The following WWOX variants were observed in gnomAD, a reference collection of about 807,000 sequenced individuals.
WWOX encodes the protein WW domain-containing oxidoreductase.
A neutral mutation model predicts 46.2 loss-of-function variants in WWOX; 69 were observed. The ratio of observed to expected loss-of-function variants is 1.49; its 90% confidence interval spans 1.23 to 1.82. WWOX has a LOEUF of 1.82. Ranked by LOEUF, WWOX falls within the 40% of genes most tolerant of loss-of-function variation. WWOX has a pLI of 0.00. For missense variants in WWOX, 919 were observed against 542.6 expected (o/e 1.69, Z -6.89); for synonymous variants, 359 against 202.6 (o/e 1.77, Z -6.56).
intron 8 of WWOX, among the ~76,000 whole-genome samples, chr16:78,876,684 G>C (rs1235059829): frequency 1.3e-5 from 2 of 152,120 alleles, no homozygotes; most frequent in Non-Finnish European, 2.9e-5. Context: ...GCCATTCTCA[G>C]AACAGCCCAG....
At chr16:78,967,286 CTTTTTTTT>C (rs71140849) in intron 8 of WWOX, among the ~76,000 whole-genome samples, 5 of 56,830 alleles carry the variant, frequency 8.8e-5, no homozygotes, top group Non-Finnish European at 1.2e-4. Flanking sequence ...CTGCCGAGGC[CTTTTTTTT>C]TTTTTTTTTT....
intron 8 of WWOX, among the ~76,000 whole-genome samples, chr16:78,769,899 G>C (rs12597882): frequency 0.032 from 4,837 of 151,888 alleles, 209 homozygotes; most frequent in East Asian, 0.17. Context: ...AAAGTAGTTG[G>C]GCGTGTGTGG....
intron 8 of WWOX, among the ~76,000 whole-genome samples, chr16:79,164,382 T>C (rs1017976043): frequency 6.6e-6 from 1 of 152,174 alleles, no homozygotes; most frequent in Admixed American, 6.5e-5. Flanking sequence ...AATTTTATAA[T>C]AAGAAGCCAT....
chr16:78,691,021 G>C (rs377385420), intron 8 of WWOX, among the ~76,000 whole-genome samples: 2 of 152,118 alleles, frequency 1.3e-5, no homozygotes, highest in East Asian at 3.8e-4. Flanking sequence ...TCTCCACTAA[G>C]CAGACATACT....
intron 5 of WWOX, among the ~76,000 whole-genome samples, chr16:78,269,970 A>G (rs1017478141): frequency 5.1e-5 from 7 of 137,676 alleles, no homozygotes; most frequent in African/African-American, 2.0e-4. Flanking sequence ...TATGCATTTA[A>G]TTCACATTTA....
intron 8 of WWOX, among the ~76,000 whole-genome samples, chr16:78,596,247 T>G (rs143061107): frequency 4.5e-4 from 68 of 152,328 alleles, no homozygotes; most frequent in African/African-American, 1.4e-3. Flanking sequence ...TTTGCCATCT[T>G]TTCTTTTGTT....
At chr16:78,424,252 G>T (rs1170545785) in intron 6 of WWOX, among the ~76,000 whole-genome samples, 1 of 151,196 alleles carries the variant, frequency 6.6e-6, no homozygotes, top group Admixed American at 6.6e-5. Context: ...TGAGTAACTG[G>T]GATTACAGAC....
rs140898221 is a variant in WWOX at position 78,392,490 on chromosome 16, T to C, written c.605+5542T>C. Reference sequence around the variant, plus strand: ...ATAGAAATAAAGTGCACAATAAATGTCATCTGCTTGAATCGTCCCAAAGCC... The same window carrying C: ...ATAGAAATAAAGTGCACAATAAATGCCATCTGCTTGAATCGTCCCAAAGCC... On this transcript the variant is annotated intron_variant, in intron 6 of 8. Coordinates refer to ENST00000566780, the MANE Select transcript of WWOX (RefSeq NM_016373.4). Among the ~76,000 whole-genome samples the C allele has an allele frequency of 6.0e-3, 921 of 152,234 alleles. 11 individuals are homozygous for C. Among genetic ancestry groups the C allele is most frequent in the African/African-American group, 0.021 (883 of 41,556 alleles).
chr16:79,014,734 A>C (rs564639099), intron 8 of WWOX, among the ~76,000 whole-genome samples: 10 of 152,316 alleles, frequency 6.6e-5, no homozygotes, highest in African/African-American at 2.4e-4. Flanking sequence ...CACTTTCTGG[A>C]GTGTACACAA....
chr16:79,165,249 G>A (rs1042618042), intron 8 of WWOX, among the ~76,000 whole-genome samples: 8 of 151,972 alleles, frequency 5.3e-5, no homozygotes, highest in African/African-American at 1.2e-4. Context: ...AACGGCTTCC[G>A]GCATCCAATG....
rs2052213832 is a variant in WWOX, at chr16:78,843,436, G to A, written c.1057-368172G>A. ...ATTCCTATGCTGCTAAGATGCGAAT[G>A]CCCAGCTCAGGGGATGAGATTACTG... On this transcript the variant is annotated intron_variant, in intron 8 of 8. Transcript: ENST00000566780. Among the ~76,000 whole-genome samples the A allele has an allele frequency of 2.0e-5, 3 of 149,930 alleles. No homozygotes were observed. In the South Asian group the frequency reaches 6.5e-4, roughly 33 times the overall value.
At chr16:79,192,467 C>T (rs978117965) in intron 8 of WWOX, among the ~76,000 whole-genome samples, 1 of 152,168 alleles carries the variant, frequency 6.6e-6, no homozygotes, top group Admixed American at 6.5e-5. Context: ...TTGCCTGCTG[C>T]ACATTTTAGC....
intron 8 of WWOX, among the ~76,000 whole-genome samples, chr16:79,211,234 A>T (rs1419515805): frequency 1.3e-5 from 2 of 152,178 alleles, no homozygotes; most frequent in African/African-American, 4.8e-5. Flanking sequence ...GAATTACATT[A>T]TACATGGAGA....
chr16:78,635,450 G>C (rs1203765755), intron 8 of WWOX, among the ~76,000 whole-genome samples: 1 of 152,168 alleles, frequency 6.6e-6, no homozygotes, highest in Non-Finnish European at 1.5e-5. Flanking sequence ...AAGAAGGGAA[G>C]GAGAATTGTG....
chr16:78,468,718 G>A (rs563386784), intron 8 of WWOX, among the ~76,000 whole-genome samples: 2 of 152,322 alleles, frequency 1.3e-5, no homozygotes, highest in South Asian at 4.1e-4. Context: ...TGTCTGCAAA[G>A]GAGGGATGAT....
chr16:78,387,654 T>A (rs115326697), intron 6 of WWOX, among the ~76,000 whole-genome samples: 1 of 152,124 alleles, frequency 6.6e-6, no homozygotes, highest in African/African-American at 2.4e-5. Flanking sequence ...AGGAAAGTGA[T>A]CATGGCAAGC....
chr16:78,794,385 CAAAT>C (rs978678197), intron 8 of WWOX, among the ~76,000 whole-genome samples: 1 of 151,968 alleles, frequency 6.6e-6, no homozygotes, highest in African/African-American at 2.4e-5. Context: ...TTGTAACAAA[CAAAT>C]AAACAAAAAA....
chr16:78,686,382 G>A (rs775145998), intron 8 of WWOX, among the ~76,000 whole-genome samples: 23 of 151,962 alleles, frequency 1.5e-4, no homozygotes, highest in Non-Finnish European at 2.8e-4. Context: ...GTGGTGGCGG[G>A]CGCCTGTAGT....
At chr16:78,328,376 G>A (rs144166392) in intron 5 of WWOX, among the ~76,000 whole-genome samples, 31 of 152,196 alleles carry the variant, frequency 2.0e-4, no homozygotes, top group African/African-American at 6.3e-4. Context: ...GATGTAAGTC[G>A]TAAAAAATTT....
Sources: gnomAD v4.1 joint callset for allele counts (sites outside exome capture counted in the v4.1 genomes callset) on GRCh38, gnomAD v4.1.1 for gene constraint, MANE v1.5 for transcripts, NCBI Gene and HGNC (gene_info 2026-07-23, HGNC 2026-07-21) for gene names.